Variants in PRKG1 observed in about 807,000 individuals in gnomAD.
The protein encoded by PRKG1 is protein kinase cGMP-dependent 1, also known as cGMP-dependent protein kinase 1.
In PRKG1, 35 loss-of-function variants were observed where a neutral mutation model predicts 88.1. That is an observed-to-expected ratio of 0.40 (90% CI 0.30 to 0.53). The LOEUF is 0.53. Ranked by LOEUF, PRKG1 falls within the 20% of genes least tolerant of loss-of-function variation. The pLI, the probability that PRKG1 is intolerant of heterozygous loss-of-function variation, is 0.59. For missense variants in PRKG1, 540 were observed against 839.8 expected (o/e 0.64, Z 4.41); for synonymous variants, 303 against 292.5 (o/e 1.04, Z -0.37).
chr10:51,310,625 C>T (rs1431001075), intron 2 of PRKG1, among the ~76,000 whole-genome samples: 1 of 152,032 alleles, frequency 6.6e-6, no homozygotes, highest in African/African-American at 2.4e-5. Context: ...TTTTTTGCTA[C>T]TATGTAACTA....
chr10:51,950,991 G>A (rs1843169765), intron 5 of PRKG1, among the ~76,000 whole-genome samples: 2 of 152,370 alleles, frequency 1.3e-5, no homozygotes, highest in South Asian at 2.1e-4. Context: ...GCTTTTATGG[G>A]TTCAGAATAG....
chr10:51,868,988 T>C (rs1402354783), intron 4 of PRKG1, among the ~76,000 whole-genome samples: 2 of 152,226 alleles, frequency 1.3e-5, no homozygotes, highest in African/African-American at 4.8e-5. Flanking sequence ...GTTTGGTTTT[T>C]CCAATGAATA....
chr10:51,014,185 G>T (rs569970967), intron 1 of PRKG1, among the ~76,000 whole-genome samples: 99 of 152,228 alleles, frequency 6.5e-4, no homozygotes, highest in Non-Finnish European at 1.1e-3. Context: ...TCTTCCTATT[G>T]CTTTTGGCTC....
intron 6 of PRKG1, among the ~76,000 whole-genome samples, chr10:52,056,352 G>A (rs1308565704): frequency 6.6e-6 from 1 of 152,118 alleles, no homozygotes; most frequent in Non-Finnish European, 1.5e-5. Flanking sequence ...TTACTACATG[G>A]CTAATTCTTC....
chr10:51,983,756 G>GT (rs1844078327), intron 5 of PRKG1, among the ~76,000 whole-genome samples: 1 of 152,166 alleles, frequency 6.6e-6, no homozygotes, highest in Non-Finnish European at 1.5e-5. Flanking sequence ...GTCTGTGGTG[G>GT]TTAAGGGGTA....
chr10:52,276,200 G>T (rs779310328), intron 12 of PRKG1, among the ~76,000 whole-genome samples: 51 of 152,214 alleles, frequency 3.4e-4, no homozygotes, highest in Non-Finnish European at 4.6e-4. Context: ...TGATTGCTCT[G>T]GCTAGGACTT....
intron 5 of PRKG1, among the ~76,000 whole-genome samples, chr10:51,993,576 G>A (rs1844364686): frequency 6.6e-6 from 1 of 152,144 alleles, no homozygotes. Context: ...CTAGCAATTG[G>A]CAATGCCAGG....
chr10:51,362,680 C>T (rs1238732218), intron 2 of PRKG1, among the ~76,000 whole-genome samples: 2 of 151,696 alleles, frequency 1.3e-5, no homozygotes, highest in Non-Finnish European at 2.9e-5. Context: ...ACAGAACGTG[C>T]AGGTTTTTTA....
intron 8 of PRKG1, among the ~76,000 whole-genome samples, 169 bp from the exon 9 acceptor site, chr10:52,161,720 A>T (rs1246239999): frequency 6.6e-6 from 1 of 152,116 alleles, no homozygotes; most frequent in African/African-American, 2.4e-5. Flanking sequence ...TAGAGTTTAT[A>T]TTCTAGTCAG....
chr10:51,715,242 A>G (rs1309546835), intron 3 of PRKG1, among the ~76,000 whole-genome samples: 2 of 152,192 alleles, frequency 1.3e-5, no homozygotes, highest in African/African-American at 4.8e-5. Flanking sequence ...ATTATATACA[A>G]CTTAGATTTC....
intron 5 of PRKG1, among the ~76,000 whole-genome samples, chr10:51,981,195 C>T (rs1386796409): frequency 6.7e-6 from 1 of 149,326 alleles, no homozygotes; most frequent in African/African-American, 2.6e-5. Flanking sequence ...TAAATTCCCT[C>T]AGCATTCACT....
At chr10:52,032,399 T>C (rs764262563) in intron 5 of PRKG1, among the ~76,000 whole-genome samples, 10 of 152,212 alleles carry the variant, frequency 6.6e-5, no homozygotes, top group Non-Finnish European at 5.9e-5. Flanking sequence ...TGTTTTGTTC[T>C]GGTAAAATAG....
intron 1 of PRKG1, among the ~76,000 whole-genome samples, chr10:51,030,858 C>A (rs1463931275): frequency 6.6e-6 from 1 of 152,164 alleles, no homozygotes; most frequent in Non-Finnish European, 1.5e-5. Context: ...TCTTGTACAG[C>A]CTGCAGAGCC....
At chr10:51,587,389 TC>T (rs1321341573) in intron 3 of PRKG1, among the ~76,000 whole-genome samples, 1 of 152,122 alleles carries the variant, frequency 6.6e-6, no homozygotes, top group Non-Finnish European at 1.5e-5. Context: ...ACCAAACAAA[TC>T]CTCATTCCGT....
intron 3 of PRKG1, among the ~76,000 whole-genome samples, chr10:51,800,227 C>G (rs931391384): frequency 6.6e-6 from 1 of 152,012 alleles, no homozygotes; most frequent in Non-Finnish European, 1.5e-5. Flanking sequence ...TCAAGAATCT[C>G]TTGAGTTCCA....
rs550457441 is a variant in PRKG1, at chr10:51,823,518, A to G, written c.698+18828A>G. The stretch of plus-strand genomic sequence containing the variant: ...GTGGAAGGGCATTTCTTCTGTCTTC[A>G]TATCTAGTATATAACATTTGACTGT... On this transcript the variant is annotated intron_variant, in intron 4 of 17. Transcript: ENST00000373980. 4.6e-5 allele frequency among the ~76,000 whole-genome samples: 7 copies of G among 152,122 alleles called. 1 individual carries two copies. In the South Asian group the frequency reaches 1.5e-3, roughly 32 times the overall value.
At chr10:52,188,551 T>TA (rs1156816764) in intron 9 of PRKG1, among the ~76,000 whole-genome samples, 1 of 151,234 alleles carries the variant, frequency 6.6e-6, no homozygotes, top group Admixed American at 6.6e-5. Context: ...TGCATTGGAA[T>TA]AAAAAAAAGT....
intron 2 of PRKG1, among the ~76,000 whole-genome samples, chr10:51,433,359 G>A (rs1838825229): frequency 6.6e-6 from 1 of 152,076 alleles, no homozygotes; most frequent in Non-Finnish European, 1.5e-5. Flanking sequence ...GTGCATCCTG[G>A]TTGCCCCATG....
chr10:52,138,927 T>G (rs1250907262), intron 8 of PRKG1, among the ~76,000 whole-genome samples: 1 of 152,062 alleles, frequency 6.6e-6, no homozygotes, highest in African/African-American at 2.4e-5. Flanking sequence ...GAGCAACTCA[T>G]AAGATCAAGG....
Sources: allele counts gnomAD v4.1 joint callset (sites outside exome capture counted in the v4.1 genomes callset), GRCh38; gene constraint gnomAD v4.1.1; transcripts MANE v1.5; gene names NCBI Gene and HGNC (gene_info 2026-07-23, HGNC 2026-07-21).